The following MRE11 variants were observed in gnomAD, a reference collection of about 807,000 sequenced individuals.
The protein encoded by MRE11 is double-strand break repair protein MRE11.
MRE11 carries 62 observed loss-of-function variants against 91.7 expected under a neutral mutation model. That is an observed-to-expected ratio of 0.68 (90% confidence interval 0.55 to 0.84). The LOEUF is 0.84. Ranked by LOEUF, MRE11 falls within the 40% of genes least tolerant of loss-of-function variation. The pLI is 0.00. For missense variants in MRE11, 796 were observed against 852.9 expected (o/e 0.93, Z 0.83); for synonymous variants, 273 against 271.4 (o/e 1.01, Z -0.06).
At chr11:94,446,023 TAAG>T (rs1413403411) in intron 15 of MRE11, 130 bp from the exon 16 acceptor site, 4 of 714,348 alleles carry the variant, frequency 5.6e-6, no homozygotes, top group Non-Finnish European at 9.9e-6. Flanking sequence ...GACATATATA[TAAG>T]AACAAACATC....
At chr11:94,432,833 A>G (rs866681431) in intron 18 of MRE11, among the ~76,000 whole-genome samples, 11 of 152,186 alleles carry the variant, frequency 7.2e-5, no homozygotes, top group African/African-American at 2.7e-4. Flanking sequence ...AAAACGAAAC[A>G]AAACAAAACA....
chr11:94,416,139 G>A lies in MRE11; in HGVS notation c.*3986C>T, dbSNP rs1345184648. ...GGATTCTAATTCAACAATTTTTCTT[G>A]GTAGTCTTGCCAACAGTAATTGGAG... is the stretch of plus-strand genomic sequence containing the variant. On this transcript the variant is annotated 3_prime_UTR_variant, in exon 20 of 20. Transcript: ENST00000323929. 1 of 152,164 alleles carries A rather than the reference G, an allele frequency of 6.6e-6. No individual in the cohort carries two copies. Among genetic ancestry groups the A allele is most frequent in the African/African-American group, 2.4e-5 (1 of 41,420 alleles). 9.4% of individuals were successfully genotyped at this position (152,164 alleles called of 1,614,324 possible).
In MRE11 at chr11:94,471,499, G is replaced by T. The variant is rs1036616258; in HGVS notation, c.845+75C>A. On this transcript the variant is annotated intron_variant, in intron 8 of 19. Coordinates refer to ENST00000323929, the MANE Select transcript of MRE11 (RefSeq NM_005591.4). The stretch of plus-strand genomic sequence containing the variant: ...CCAGTTAGCGGTAACCTTAACATAG[G>T]CCTTAAACCTATGAGATGATTAGTT... 4 of 1,413,404 alleles carry T rather than the reference G, an allele frequency of 2.8e-6. No individual in the cohort carries two copies. In the African/African-American group the frequency reaches 5.7e-5, roughly 20 times the overall value. 87.6% of individuals were successfully genotyped at this position (1,413,404 alleles called of 1,614,324 possible).
At chr11:94,438,416 AGAG>A (rs1945683491) in intron 16 of MRE11, among the ~76,000 whole-genome samples, 1 of 152,200 alleles carries the variant, frequency 6.6e-6, no homozygotes, top group Non-Finnish European at 1.5e-5. Flanking sequence ...GTAATATCTA[AGAG>A]GAGAAACGAG....
intron 13 of MRE11, among the ~76,000 whole-genome samples, chr11:94,456,637 A>G (rs1251658398): frequency 1.3e-5 from 2 of 152,210 alleles, no homozygotes; most frequent in Admixed American, 6.5e-5. Flanking sequence ...TGGGTATTAC[A>G]CTTCAGTAAA....
chr11:94,477,434 A>G (rs1262441413), intron 6 of MRE11, among the ~76,000 whole-genome samples: 2 of 152,240 alleles, frequency 1.3e-5, no homozygotes, highest in Non-Finnish European at 2.9e-5. Context: ...AAAAGGAGAA[A>G]AAGCCAGGAT....
chr11:94,468,043 T>C lies in MRE11; in HGVS notation c.1018-150A>G, dbSNP rs1328882816. ...TGACACCTTTTCAAATATACCTTCTTGTAATGCTCCTTTAATACTATTCCT... is the reference window on the plus strand; with the variant it reads ...TGACACCTTTTCAAATATACCTTCTCGTAATGCTCCTTTAATACTATTCCT... On this transcript the variant is annotated intron_variant, in intron 9 of 19. Coordinates refer to ENST00000323929, the MANE Select transcript of MRE11 (RefSeq NM_005591.4). 11 of 671,282 alleles carry C rather than the reference T, an allele frequency of 1.6e-5. No homozygotes were observed. In the East Asian group the frequency reaches 2.5e-4, roughly 15 times the overall value. The allele number at this position is 671,282 out of a possible 1,614,324, so 41.6% of individuals were successfully genotyped here. A position where few individuals can be genotyped will look rare whatever the true frequency, so the allele number is the denominator to read the frequency against.
At chr11:94,471,157 T>A (rs1388088813) in intron 8 of MRE11, among the ~76,000 whole-genome samples, 1 of 152,104 alleles carries the variant, frequency 6.6e-6, no homozygotes, top group Non-Finnish European at 1.5e-5. Flanking sequence ...GTTAACTACT[T>A]CTTACAATCA....
At chr11:94,458,682 C>T (rs1391288858) in intron 13 of MRE11, among the ~76,000 whole-genome samples, 2 of 152,130 alleles carry the variant, frequency 1.3e-5, no homozygotes, top group Non-Finnish European at 2.9e-5. Context: ...CGTAATACTA[C>T]TACCAGCAGT....
chr11:94,499,849 A>G, the MRE11 span, among the ~76,000 whole-genome samples: 5 of 152,176 alleles, frequency 3.3e-5, no homozygotes, highest in Non-Finnish European at 5.9e-5. Context: ...AAGCCATCCT[A>G]CGTAACCCAG....
chr11:94,509,314 G>A, the MRE11 span, among the ~76,000 whole-genome samples: 2 of 151,770 alleles, frequency 1.3e-5, no homozygotes, highest in Non-Finnish European at 2.9e-5. Context: ...AAATGTTATT[G>A]TCTTTTACAT....
At chr11:94,495,182 C>G (rs1222141282), upstream of MRE11, among the ~76,000 whole-genome samples, 1 of 152,026 alleles carries the variant, frequency 6.6e-6, no homozygotes, top group Non-Finnish European at 1.5e-5. Flanking sequence ...AGTTTAATAC[C>G]ACATTAAGAT....
intron 11 of MRE11, among the ~76,000 whole-genome samples, chr11:94,463,710 T>C (rs1946482029): frequency 6.8e-6 from 1 of 147,828 alleles, no homozygotes; most frequent in African/African-American, 2.5e-5. Context: ...ATATTCTCAC[T>C]CATAGGTGGG....
At chr11:94,420,803 C>G (rs1268451123) in intron 19 of MRE11, among the ~76,000 whole-genome samples, 5 of 152,084 alleles carry the variant, frequency 3.3e-5, no homozygotes, top group African/African-American at 4.8e-5. Context: ...AAGGCCGAGG[C>G]GGGTGGATCA....
chr11:94,426,881 T>C (rs1278648740), intron 19 of MRE11, among the ~76,000 whole-genome samples: 1 of 152,070 alleles, frequency 6.6e-6, no homozygotes, highest in East Asian at 1.9e-4. Flanking sequence ...AACAGACCAA[T>C]AATAAATTCT....
chr11:94,432,582 C>T (rs933319706), intron 18 of MRE11, among the ~76,000 whole-genome samples: 11 of 152,106 alleles, frequency 7.2e-5, no homozygotes, highest in African/African-American at 2.4e-4. Context: ...CCGAGGCGGG[C>T]GGATCACGAG....
the MRE11 span, among the ~76,000 whole-genome samples, chr11:94,511,242 G>T: frequency 6.6e-6 from 1 of 152,134 alleles, no homozygotes; most frequent in Non-Finnish European, 1.5e-5. Context: ...AAGAGAGAGC[G>T]ATCTCCTGCT....
chr11:94,423,785 G>C (rs530345214), intron 19 of MRE11, among the ~76,000 whole-genome samples: 2 of 152,366 alleles, frequency 1.3e-5, no homozygotes, highest in South Asian at 2.1e-4. Context: ...TGGAGCCACA[G>C]GCTGGTCCCA....
At chr11:94,457,129 C>A (rs755202869) in intron 13 of MRE11, among the ~76,000 whole-genome samples, 1 of 152,168 alleles carries the variant, frequency 6.6e-6, no homozygotes, top group Non-Finnish European at 1.5e-5. Flanking sequence ...ACAAAAGACA[C>A]TGAAAATATG....
Sources: gnomAD v4.1 joint callset for allele counts (sites outside exome capture counted in the v4.1 genomes callset) on GRCh38, gnomAD v4.1.1 for gene constraint, MANE v1.5 for transcripts, NCBI Gene and HGNC (gene_info 2026-07-23, HGNC 2026-07-21) for gene names.